Variants in STK33 observed in about 807,000 individuals in gnomAD.
The protein encoded by STK33 is serine/threonine kinase 33.
STK33 carries 52 observed loss-of-function variants against 58.0 expected under a neutral mutation model. The observed-to-expected ratio is 0.90, with a 90% confidence interval of 0.72 to 1.13. The LOEUF is 1.13. Ranked by LOEUF, STK33 falls within the 50% of genes most tolerant of loss-of-function variation. The pLI is 0.00. For synonymous variants in STK33, 215 were observed against 200.1 expected, an observed-to-expected ratio of 1.07 and a Z score of -0.63; for missense variants, 630 against 604.2, an observed-to-expected ratio of 1.04 and a Z score of -0.45.
In STK33 at chr11:8,517,141, G is replaced by C. The variant is rs538654422; in HGVS notation, c.-465-36527C>G. 3.3e-5 allele frequency among the ~76,000 whole-genome samples: 5 copies of C among 152,306 alleles called. No individual in the cohort carries two copies. In the South Asian group the frequency reaches 1.0e-3, roughly 32 times the overall value. ...GCCCCTCTGAGACAAAGCTTCCAGA[G>C]AAAGGGTCAGGCAGCAACATCTGCC... On this transcript the variant is annotated intron_variant, in intron 1 of 15. Coordinates refer to ENST00000687296, the MANE Select transcript of STK33 (RefSeq NM_001352389.2).
chr11:8,587,506 T>C (rs1436736252), intron 1 of STK33, among the ~76,000 whole-genome samples: 1 of 151,068 alleles, frequency 6.6e-6, no homozygotes, highest in African/African-American at 2.4e-5. Context: ...TCCCTATCAT[T>C]CCACTCCAAG....
the STK33 span, among the ~76,000 whole-genome samples, chr11:8,337,157 G>A: frequency 6.6e-6 from 1 of 152,328 alleles, no homozygotes; most frequent in East Asian, 1.9e-4. Flanking sequence ...TGCTTCCTAA[G>A]CAGGCTGATC....
chr11:8,385,935 C>G, the STK33 span, among the ~76,000 whole-genome samples: 21 of 152,114 alleles, frequency 1.4e-4, no homozygotes, highest in East Asian at 3.9e-3. Context: ...CCACCACGCC[C>G]GGCTAATTTT....
At chr11:8,485,444 A>C (rs1950134788) in intron 1 of STK33, among the ~76,000 whole-genome samples, 1 of 152,202 alleles carries the variant, frequency 6.6e-6, no homozygotes, top group South Asian at 2.1e-4. Flanking sequence ...GTCAAACTGA[A>C]CCTAAAATCA....
chr11:8,501,300 G>C (rs1461609046), intron 1 of STK33, among the ~76,000 whole-genome samples: 2 of 151,644 alleles, frequency 1.3e-5, no homozygotes, highest in Non-Finnish European at 2.9e-5. Context: ...AGTTAATGAG[G>C]GCCTACTATC....
Position 8,457,750 on chromosome 11 carries a change from G to A in STK33, c.559-271C>T, listed in dbSNP as rs148425506. ...AAATGCCATAGAGTTACAGAAGAGG[G>A]GCAGCCTCTGTCTAAAGAATGCCCC... is the stretch of plus-strand genomic sequence containing the variant. On this transcript the variant is annotated intron_variant, in intron 8 of 15. Coordinates refer to ENST00000687296, the MANE Select transcript of STK33 (RefSeq NM_001352389.2). Among the ~76,000 whole-genome samples, 7 of 152,258 alleles carry A rather than the reference G, an allele frequency of 4.6e-5. No homozygotes were observed. The East Asian group carries it at 1.4e-3, about 29-fold the overall frequency.
intron 1 of STK33, among the ~76,000 whole-genome samples, chr11:8,488,170 C>T (rs1168764938): frequency 1.3e-5 from 2 of 152,092 alleles, no homozygotes; most frequent in African/African-American, 4.8e-5. Context: ...CAGGGCTTGC[C>T]AGTACAAAAT....
intron 1 of STK33, among the ~76,000 whole-genome samples, chr11:8,552,953 G>A (rs1375337951): frequency 1.3e-5 from 2 of 151,120 alleles, no homozygotes; most frequent in African/African-American, 2.4e-5. Context: ...GAGTTCAGGA[G>A]CTGCCTGGGC....
At chr11:8,374,533 CAGAG>C in the STK33 span, among the ~76,000 whole-genome samples, 1 of 152,058 alleles carries the variant, frequency 6.6e-6, no homozygotes, top group African/African-American at 2.4e-5. Flanking sequence ...GAGAGAGAGA[CAGAG>C]AGAGAGAAGG....
intron 11 of STK33, among the ~76,000 whole-genome samples, chr11:8,446,933 A>G (rs1945550433): frequency 6.6e-6 from 1 of 152,230 alleles, no homozygotes; most frequent in Non-Finnish European, 1.5e-5. Context: ...CTAAAACACC[A>G]AAAGCAATGG....
intron 8 of STK33, among the ~76,000 whole-genome samples, chr11:8,460,862 G>C (rs1040591973): frequency 6.6e-6 from 1 of 152,130 alleles, no homozygotes; most frequent in African/African-American, 2.4e-5. Flanking sequence ...TCTTATAAAG[G>C]ATAACTGTGG....
At chr11:8,390,308 C>G (rs1232909494), downstream of STK33, among the ~76,000 whole-genome samples, 1 of 152,206 alleles carries the variant, frequency 6.6e-6, no homozygotes, top group Non-Finnish European at 1.5e-5. Flanking sequence ...CGCTGGATCA[C>G]AGCAAAACCC....
the STK33 span, among the ~76,000 whole-genome samples, chr11:8,350,828 G>A: frequency 6.6e-6 from 1 of 152,170 alleles, no homozygotes; most frequent in Non-Finnish European, 1.5e-5. Context: ...AATGGCACAT[G>A]CTGTCCACCC....
At chr11:8,382,188 G>A in the STK33 span, among the ~76,000 whole-genome samples, 3 of 152,192 alleles carry the variant, frequency 2.0e-5, no homozygotes, top group Admixed American at 6.5e-5. Context: ...CGCAGGGCCC[G>A]GCTGCTGTGT....
At chr11:8,507,633 T>G (rs566977116) in intron 1 of STK33, among the ~76,000 whole-genome samples, 1 of 151,992 alleles carries the variant, frequency 6.6e-6, no homozygotes, top group Non-Finnish European at 1.5e-5. Flanking sequence ...GATGGGGGGG[T>G]ACACTTAAAG....
the STK33 span, among the ~76,000 whole-genome samples, chr11:8,365,936 T>G: frequency 1.3e-5 from 2 of 152,218 alleles, no homozygotes; most frequent in African/African-American, 4.8e-5. Context: ...TGTCTGTATA[T>G]CTGTCTGTCT....
the STK33 span, among the ~76,000 whole-genome samples, chr11:8,384,793 C>G: frequency 1.3e-5 from 2 of 152,158 alleles, no homozygotes; most frequent in East Asian, 3.9e-4. Context: ...GCCCCCTTGC[C>G]TTGTATACAA....
chr11:8,522,466 G>A (rs574697282), intron 1 of STK33, among the ~76,000 whole-genome samples: 141 of 136,852 alleles, frequency 1.0e-3, no homozygotes, highest in African/African-American at 3.9e-3. Flanking sequence ...ACACACTGGG[G>A]CCAAAAAAAA....
At chr11:8,479,608 G>A (rs762602918) in intron 2 of STK33, among the ~76,000 whole-genome samples, 24 of 151,906 alleles carry the variant, frequency 1.6e-4, no homozygotes, top group Non-Finnish European at 2.4e-4. Flanking sequence ...TTTGGGAGGC[G>A]GAGGCAGGCC....
Sources: allele counts gnomAD v4.1 joint callset (sites outside exome capture counted in the v4.1 genomes callset), GRCh38; gene constraint gnomAD v4.1.1; transcripts MANE v1.5; gene names NCBI Gene and HGNC (gene_info 2026-07-23, HGNC 2026-07-21).